Variants in NMT1 observed in about 807,000 individuals in gnomAD.
The protein encoded by NMT1 is glycylpeptide N-tetradecanoyltransferase 1.
Under a neutral mutation model 63.4 loss-of-function variants are expected in NMT1, and 12 were observed. The observed-to-expected ratio is 0.19, with a 90% CI of 0.12 to 0.31. The LOEUF (loss-of-function observed/expected upper bound fraction) is 0.31. Among genes scored for constraint, NMT1 ranks in the 10% least tolerant of loss-of-function variants. NMT1 has a pLI of 1.00. For synonymous variants in NMT1, 228 were observed against 234.3 expected (o/e 0.97, Z 0.25); for missense variants, 432 against 634.6 (o/e 0.68, Z 3.43).
chr17:45,092,603 G>C (rs1056805908), intron 3 of NMT1, among the ~76,000 whole-genome samples: 8 of 151,328 alleles, frequency 5.3e-5, no homozygotes, highest in Non-Finnish European at 8.8e-5. Context: ...CCAGCCACTC[G>C]GGAGTCTGAG....
intron 1 of NMT1, among the ~76,000 whole-genome samples, chr17:45,070,563 G>A (rs1043168221): frequency 3.9e-5 from 6 of 152,122 alleles, no homozygotes; most frequent in African/African-American, 1.4e-4. Flanking sequence ...GACTGTAGTC[G>A]CCCGTCACCA....
intron 6 of NMT1, 123 bp from the exon 7 acceptor site, chr17:45,098,259 G>A: frequency 2.4e-6 from 2 of 816,450 alleles, no homozygotes; most frequent in Non-Finnish European, 4.0e-6. Context: ...GAGTGCAGGT[G>A]GCAGCTAAAA....
chr17:45,096,797 C>T (rs936015224), intron 5 of NMT1, among the ~76,000 whole-genome samples: 5 of 152,232 alleles, frequency 3.3e-5, no homozygotes, highest in Admixed American at 2.0e-4. Flanking sequence ...CCACAGTCAG[C>T]TCTCAACCAT....
intron 2 of NMT1, among the ~76,000 whole-genome samples, chr17:45,082,056 C>T (rs551421660): frequency 4.1e-4 from 63 of 152,288 alleles, no homozygotes; most frequent in African/African-American, 1.4e-3. Flanking sequence ...CAGCCCCTGG[C>T]GCCTAGAGCA....
chr17:45,077,318 A>G (rs1045088273), intron 1 of NMT1, among the ~76,000 whole-genome samples: 1 of 152,186 alleles, frequency 6.6e-6, no homozygotes, highest in Non-Finnish European at 1.5e-5. Flanking sequence ...ATAAGCTGTT[A>G]TGAATAAGAA....
chr17:45,073,418 A>C lies in NMT1; in HGVS notation c.132-8226A>C, dbSNP rs559727556. ...GGGCAACAGAGCAAGACTCTGTCTC[A>C]AAAAAAAAAAAGATGTAGTCCCTAT... On this transcript the variant is annotated intron_variant, in intron 1 of 11. Transcript: ENST00000258960. Among the ~76,000 whole-genome samples the C allele has an allele frequency of 2.1e-5, 3 of 144,650 alleles. No individual in the cohort carries two copies. In the East Asian group the frequency reaches 5.9e-4, roughly 29 times the overall value. 94.9% of individuals were successfully genotyped at this position (144,650 alleles called of 152,430 possible).
chr17:45,070,967 C>T (rs1054976720), intron 1 of NMT1, among the ~76,000 whole-genome samples: 2 of 152,180 alleles, frequency 1.3e-5, no homozygotes, highest in South Asian at 2.1e-4. Flanking sequence ...GGGTATTGCA[C>T]TGAGTGATCC....
At chr17:45,072,575 T>C (rs1210591698) in intron 1 of NMT1, among the ~76,000 whole-genome samples, 1 of 125,378 alleles carries the variant, frequency 8.0e-6, no homozygotes, top group African/African-American at 3.1e-5. Flanking sequence ...TATTTTTTTT[T>C]TTGAGATGGA....
intron 1 of NMT1, among the ~76,000 whole-genome samples, chr17:45,073,238 G>T (rs563273157): frequency 1.3e-5 from 2 of 152,120 alleles, no homozygotes; most frequent in East Asian, 3.9e-4. Flanking sequence ...GGCCAACATG[G>T]TGAAACCCTG....
chr17:45,081,819 G>A, intron 2 of NMT1, 67 bp downstream of exon 2: 1 of 1,219,714 alleles, frequency 8.2e-7, no homozygotes, highest in Non-Finnish European at 1.2e-6. Flanking sequence ...TGAGGTGAAT[G>A]TATAGGATCA....
rs2054203518 is a variant in NMT1, at chr17:45,106,497, T to G, written c.*858T>G. ...GATGAGTCCCCTGTGAGATTTTGCT[T>G]TTCCACTGCCTGGGATGATGCAGTT... is the stretch of plus-strand genomic sequence containing the variant. On this transcript the variant is annotated 3_prime_UTR_variant, in exon 12 of 12. Coordinates refer to ENST00000258960, the MANE Select transcript of NMT1 (RefSeq NM_021079.5). The G allele has an allele frequency of 2.0e-5, 3 of 152,666 alleles. No individual in the cohort carries two copies. Among genetic ancestry groups the G allele is most frequent in the African/African-American group, 7.2e-5 (3 of 41,472 alleles). The allele number at this position is 152,666 out of a possible 1,614,324, so 9.5% of individuals were successfully genotyped here.
chr17:45,067,167 A>ATT (rs34041488), intron 1 of NMT1, among the ~76,000 whole-genome samples: 4 of 141,632 alleles, frequency 2.8e-5, no homozygotes, highest in Admixed American at 7.2e-5. Flanking sequence ...GTTTAATTTG[A>ATT]TTTTTTTTTT....
chr17:45,087,965 C>G (rs1015754330), intron 3 of NMT1, among the ~76,000 whole-genome samples: 1 of 152,182 alleles, frequency 6.6e-6, no homozygotes, highest in African/African-American at 2.4e-5. Context: ...GGCCCCACCC[C>G]AAAGCTGCAG....
intron 2 of NMT1, among the ~76,000 whole-genome samples, chr17:45,084,257 G>A (rs1184035472): frequency 1.3e-5 from 2 of 151,794 alleles, no homozygotes; most frequent in African/African-American, 4.8e-5. Context: ...TAATAAGATG[G>A]TTAAAGTCAT....
At chr17:45,065,011 T>G (rs1160008955) in intron 1 of NMT1, among the ~76,000 whole-genome samples, 3 of 152,184 alleles carry the variant, frequency 2.0e-5, no homozygotes, top group African/African-American at 7.2e-5. Flanking sequence ...CATACTGTAT[T>G]GTAGCTTTTA....
At chr17:45,100,028 TCA>T (rs895629419) in intron 8 of NMT1, among the ~76,000 whole-genome samples, 1 of 152,140 alleles carries the variant, frequency 6.6e-6, no homozygotes. Flanking sequence ...GTTCTGGGTC[TCA>T]GTTTTCCTAG....
rs768076232 is a variant in NMT1 at position 45,061,431 on chromosome 17, G to A, written c.102G>A (p.Glu34=). The change falls in exon 1 of 12, where the codon GAG becomes GAA. Residue 34 remains glutamate, a synonymous_variant. Coordinates refer to ENST00000258960, the MANE Select transcript of NMT1 (RefSeq NM_021079.5). ...GCCATGAGCACTGCAGCGATTGCGA[G>A]AATGAGGAGGACAACAGCTACAACC... The part of the protein sequence containing the change: ...GNGHEHCSDC[E]NEEDNSYNRG... The A allele has an allele frequency of 5.0e-6, 8 of 1,613,736 alleles. No individual in the cohort carries two copies. Among genetic ancestry groups the A allele is most frequent in the Non-Finnish European group, 5.9e-6 (7 of 1,179,948 alleles).
Position 45,108,272 on chromosome 17 carries a change from G to A in NMT1, c.*2633G>A, listed in dbSNP as rs1026426534. 1.9e-4 allele frequency: 29 copies of A among 152,296 alleles called. No homozygotes were observed. The highest frequency in any genetic ancestry group is 5.1e-4 in the African/African-American group (21 of 41,452). 9.4% of individuals were successfully genotyped at this position (152,296 alleles called of 1,614,324 possible). A position where few individuals can be genotyped will look rare whatever the true frequency, so the allele number is the denominator to read the frequency against. On this transcript the variant is annotated 3_prime_UTR_variant, in exon 12 of 12. Coordinates refer to ENST00000258960, the MANE Select transcript of NMT1 (RefSeq NM_021079.5). ...ACTCTGCATTTGACCACGGACTCCA[G>A]TCTGTGTGTAGGGAGAGAGCTGAGT... is the stretch of plus-strand genomic sequence containing the variant.
At position 45,099,328 on chromosome 17, in the gene NMT1, G is replaced by C; in HGVS notation, c.885-77G>C. On this transcript the variant is annotated intron_variant, in intron 7 of 11. Transcript: ENST00000258960. The stretch of plus-strand genomic sequence containing the variant: ...TGTCTCTCACGCCACCTGCTGGCCA[G>C]CTGGGGTCTCCCTGCCATTGTCCTT... The C allele has an allele frequency of 9.0e-6, 9 of 1,002,704 alleles. No homozygotes were observed. In the South Asian group the frequency reaches 1.2e-4, roughly 13 times the overall value. The allele number at this position is 1,002,704 out of a possible 1,614,324, so 62.1% of individuals were successfully genotyped here.
Sources: gnomAD v4.1 joint callset for allele counts (sites outside exome capture counted in the v4.1 genomes callset) on GRCh38, gnomAD v4.1.1 for gene constraint, MANE v1.5 for transcripts, NCBI Gene and HGNC (gene_info 2026-07-23, HGNC 2026-07-21) for gene names.